Variants in DNAJA4 observed in about 807,000 individuals in gnomAD.
DNAJA4 encodes the protein DnaJ heat shock protein family (Hsp40) member A4, also known as dnaJ homolog subfamily A member 4.
A neutral mutation model predicts 39.7 loss-of-function variants in DNAJA4; 32 were observed. The ratio of observed to expected loss-of-function variants is 0.81; its 90% confidence interval spans 0.61 to 1.08. The LOEUF is 1.08. DNAJA4 is among the 50% of genes least tolerant of loss of function. DNAJA4 has a pLI of 0.00. For synonymous variants in DNAJA4, 184 were observed against 182.4 expected (o/e 1.01, Z -0.07); for missense variants, 439 against 505.1 (o/e 0.87, Z 1.25).
upstream of DNAJA4, chr15:78,264,552 C>T: frequency 8.2e-7 from 1 of 1,222,722 alleles, no homozygotes; most frequent in East Asian, 3.3e-5. Context: ...GCGGAGGAGC[C>T]GGTGGCTCTA....
chr15:78,275,067 T>A (rs1339171297), intron 4 of DNAJA4: 1 of 185,762 alleles, frequency 5.4e-6, no homozygotes, highest in Non-Finnish European at 1.1e-5. Flanking sequence ...TTAAAGGACT[T>A]ACTGTTTAAA....
rs1453095476 is a variant in DNAJA4, at chr15:78,279,893, T to G, written c.878-152T>G. The G allele has an allele frequency of 2.1e-5, 14 of 666,150 alleles. No individual in the cohort carries two copies. The East Asian group carries it at 2.7e-4, about 13-fold the overall frequency. 41.3% of individuals were successfully genotyped at this position (666,150 alleles called of 1,614,324 possible). On this transcript the variant is annotated intron_variant, in intron 5 of 6. Coordinates refer to ENST00000394852, the MANE Select transcript of DNAJA4 (RefSeq NM_001130182.2). The surrounding 1 kb of genome is among the most constrained non-coding windows in gnomAD (Gnocchi z 4.5). ...CCAGGCAGTACCTGACAAGGATACCTGGGATTGGGGCCAGCTTTCCAGTCA... is the reference window on the plus strand; with the variant it reads ...CCAGGCAGTACCTGACAAGGATACCGGGGATTGGGGCCAGCTTTCCAGTCA...
In DNAJA4 at chr15:78,280,436, T is replaced by C; in HGVS notation, c.1170T>C (p.Ala390=). 1 of 1,612,524 alleles carries C rather than the reference T, an allele frequency of 6.2e-7. No homozygotes were observed. Residue 390 remains alanine, a synonymous_variant, in exon 7 of 7, where the codon GCT becomes GCC. Coordinates refer to ENST00000394852, the MANE Select transcript of DNAJA4 (RefSeq NM_001130182.2). ...AGGAGGACGAAGACGGGCCCCAGGC[T>C]GGAGTGCAGTGCCAGACGGCATGAC... is the stretch of plus-strand genomic sequence containing the variant. ...AYEEDEDGPQ[A]GVQCQTA
intron 5 of DNAJA4, among the ~76,000 whole-genome samples, chr15:78,276,873 G>A (rs977833865): frequency 1.3e-5 from 2 of 152,162 alleles, no homozygotes; most frequent in African/African-American, 2.4e-5. Context: ...TGTTCCCTCC[G>A]TGTCCCTCTC....
intron 1 of DNAJA4, among the ~76,000 whole-genome samples, chr15:78,267,193 A>AGT (rs1366950739): frequency 6.6e-6 from 1 of 150,444 alleles, no homozygotes; most frequent in Admixed American, 6.6e-5. Flanking sequence ...TGTGTGTGTG[A>AGT]GTGTGTATGT....
rs988353437 is a variant in DNAJA4 at position 78,281,594 on chromosome 15, T to C, written c.*1134T>C. On this transcript the variant is annotated 3_prime_UTR_variant, in exon 7 of 7. Transcript: ENST00000394852. ...GCTTGTTTGGAGGGATATTAGTCAT[T>C]ATTTTATTCATGACAGGTAGACTAC... The C allele has an allele frequency of 4.6e-5, 7 of 152,344 alleles. No individual in the cohort carries two copies. The highest frequency in any genetic ancestry group is 1.7e-4 in the African/African-American group (7 of 41,572). The allele number at this position is 152,344 out of a possible 1,614,324, so 9.4% of individuals were successfully genotyped here. A position where few individuals can be genotyped will look rare whatever the true frequency, so the allele number is the denominator to read the frequency against.
chr15:78,265,651 C>G, intron 1 of DNAJA4: 2 of 702,362 alleles, frequency 2.8e-6, no homozygotes, highest in Non-Finnish European at 5.2e-6. Flanking sequence ...TGCTTTTTAT[C>G]TCTAAAGAGG....
In DNAJA4 at chr15:78,280,508, T is replaced by A; in HGVS notation, c.*48T>A. 6.7e-7 allele frequency: 1 copy of A among 1,482,544 alleles called. No individual in the cohort carries two copies. Among genetic ancestry groups the A allele is most frequent in the Non-Finnish European group, 9.2e-7 (1 of 1,088,984 alleles). The allele number at this position is 1,482,544 out of a possible 1,614,324, so 91.8% of individuals were successfully genotyped here. On this transcript the variant is annotated 3_prime_UTR_variant, in exon 7 of 7. Transcript: ENST00000394852. ...CCACCGGACTAGCACATGATGAATGTAAAGTTGGCACAATGAAAATGACAT... is the reference window on the plus strand; with the variant it reads ...CCACCGGACTAGCACATGATGAATGAAAAGTTGGCACAATGAAAATGACAT...
At position 78,274,224 on chromosome 15, in the gene DNAJA4, A is replaced by G. The variant is rs776251760; in HGVS notation, c.446A>G (p.Glu149Gly). 1 of 1,614,026 alleles carries G rather than the reference A, an allele frequency of 6.2e-7. No individual in the cohort carries two copies. Among genetic ancestry groups the G allele is most frequent in the Admixed American group, 1.7e-5 (1 of 60,020 alleles). Residue 149 changes from glutamate to glycine, a missense_variant, in exon 4 of 7, where the codon GAG becomes GGG. Glu to Gly is a moderately conservative substitution (Grantham distance 98). Transcript: ENST00000394852. ...EGVGGKKGSV[E>G]KCPLCKGRGM... is the part of the protein sequence containing the mutation. ...GTTGGTGGGAAGAAGGGATCGGTGG[A>G]GAAGTGCCCGCTGTGCAAGGGGCGG...
intron 1 of DNAJA4, 37 bp downstream of exon 1, chr15:78,264,932 G>A: frequency 6.5e-7 from 1 of 1,536,504 alleles, no homozygotes; most frequent in Non-Finnish European, 8.8e-7. Context: ...GGGCTCCCGA[G>A]GGGCCAAGGG....
At position 78,275,740 on chromosome 15, in the gene DNAJA4, A is replaced by G; in HGVS notation, c.877+12A>G. 1 of 1,573,802 alleles carries G rather than the reference A, an allele frequency of 6.4e-7. No individual in the cohort carries two copies. ...TACATCCAAAGCAGGTAATGTTTCA[A>G]AGTGTGTTTCCATTGATGTTCTGTA... On this transcript the variant is annotated intron_variant, in intron 5 of 6. Transcript: ENST00000394852.
chr15:78,271,406 T>G (rs1475166218), intron 2 of DNAJA4, among the ~76,000 whole-genome samples: 4 of 152,084 alleles, frequency 2.6e-5, no homozygotes, highest in Non-Finnish European at 5.9e-5. Flanking sequence ...TTCCCTGACC[T>G]GGGCGTGGGC....
intron 1 of DNAJA4, among the ~76,000 whole-genome samples, 153 bp downstream of exon 1, chr15:78,265,048 C>T (rs2049083337): frequency 6.6e-6 from 1 of 152,170 alleles, no homozygotes; most frequent in South Asian, 2.1e-4. Flanking sequence ...TGGCGGGAGA[C>T]CCTGGGCGCC....
intron 5 of DNAJA4, chr15:78,278,164 A>G: frequency 2.2e-6 from 1 of 455,910 alleles, no homozygotes; most frequent in Non-Finnish European, 4.4e-6. Flanking sequence ...GCAGGCAGGT[A>G]TTTACCTGCC....
chr15:78,280,488 G>A lies in DNAJA4; in HGVS notation c.*28G>A, dbSNP rs761180696. The A allele has an allele frequency of 3.9e-5, 60 of 1,555,046 alleles. No individual in the cohort carries two copies. Among genetic ancestry groups the A allele is most frequent in the Admixed American group, 9.3e-5 (5 of 54,024 alleles). The stretch of plus-strand genomic sequence containing the variant: ...TGGTGCGGGGCAGCGTGGCCCCACC[G>A]GACTAGCACATGATGAATGTAAAGT... On this transcript the variant is annotated 3_prime_UTR_variant, in exon 7 of 7. Transcript: ENST00000394852.
Position 78,274,418 on chromosome 15 carries a change from G to GAA in DNAJA4, c.644_645dup (p.Gly216LysfsTer3). The GAA allele has an allele frequency of 6.2e-7, 1 of 1,613,952 alleles. No individual in the cohort carries two copies. The highest frequency in any genetic ancestry group is 8.5e-7 in the Non-Finnish European group (1 of 1,179,986). ...GAAGAAGATTATCGAGGTACATGTT[G>GAA]AAAAAGGTGAGGCTGCGCAGAGCTG... On this transcript the variant is annotated frameshift_variant, in exon 4 of 7. Transcript: ENST00000394852. LOFTEE classifies it high-confidence loss of function.
intron 1 of DNAJA4, chr15:78,266,425 G>C (rs1412540530): frequency 2.7e-6 from 2 of 747,486 alleles, no homozygotes; most frequent in East Asian, 5.6e-5. Flanking sequence ...TGTCTGGGCA[G>C]GTTGTTTGGT....
At chr15:78,276,616 G>C (rs990439613) in intron 5 of DNAJA4, among the ~76,000 whole-genome samples, 1 of 152,280 alleles carries the variant, frequency 6.6e-6, no homozygotes, top group Non-Finnish European at 1.5e-5. Flanking sequence ...AGAATGTCTG[G>C]ATGGGTGTGG....
intron 5 of DNAJA4, among the ~76,000 whole-genome samples, chr15:78,278,691 G>A (rs999243633): frequency 2.6e-5 from 4 of 151,800 alleles, no homozygotes; most frequent in South Asian, 2.1e-4. Context: ...TCGCTCTGTC[G>A]CCCAGGCTGG....
Sources: gnomAD v4.1 joint callset for allele counts (sites outside exome capture counted in the v4.1 genomes callset) on GRCh38, gnomAD v4.1.1 for gene constraint, Gnocchi (gnomAD v3.1) non-coding constraint, MANE v1.5 for transcripts, NCBI Gene and HGNC (gene_info 2026-07-23, HGNC 2026-07-21) for gene names.